The following ANKRD17 variants were observed in gnomAD, a reference collection of about 807,000 sequenced individuals.
ANKRD17 encodes the protein ankyrin repeat domain 17, also known as ankyrin repeat domain-containing protein 17.
ANKRD17 carries 19 observed loss-of-function variants against 229.7 expected under a neutral mutation model. That is an observed-to-expected ratio of 0.08 (90% CI 0.06 to 0.12). ANKRD17 has a LOEUF of 0.12. Ranked by LOEUF, ANKRD17 falls within the 10% of genes least tolerant of loss-of-function variation. The probability of loss-of-function intolerance (pLI) is 1.00; values close to 1 mark genes in which losing one functional copy is unlikely to be tolerated. For synonymous variants in ANKRD17, 1,112 were observed against 1,146.1 expected (o/e 0.97, Z 0.60); for missense variants, 2,176 against 3,176.8 (o/e 0.68, Z 7.57).
At chr4:73,237,155 G>A (rs529689548) in intron 1 of ANKRD17, among the ~76,000 whole-genome samples, 121 of 152,118 alleles carry the variant, frequency 8.0e-4, no homozygotes, top group Non-Finnish European at 1.4e-3. Flanking sequence ...GAAGACCTTC[G>A]TATTTGATTA....
intron 1 of ANKRD17, among the ~76,000 whole-genome samples, chr4:73,239,320 C>T (rs1324108498): frequency 6.6e-6 from 1 of 152,066 alleles, no homozygotes; most frequent in African/African-American, 2.4e-5. Context: ...TATATCTTAC[C>T]ACAATACAGA....
chr4:73,251,630 C>T (rs958446398), intron 1 of ANKRD17, among the ~76,000 whole-genome samples: 1 of 150,882 alleles, frequency 6.6e-6, no homozygotes. Flanking sequence ...ATAAGTGGTA[C>T]CAGCAGGCAC....
intron 1 of ANKRD17, among the ~76,000 whole-genome samples, chr4:73,225,740 T>C (rs191995357): frequency 1.3e-5 from 2 of 150,300 alleles, no homozygotes; most frequent in East Asian, 2.0e-4. Context: ...TGGGCGCCTG[T>C]AATCCCAGCT....
intron 23 of ANKRD17, among the ~76,000 whole-genome samples, chr4:73,114,712 G>A (rs1725728235): frequency 6.6e-6 from 1 of 152,128 alleles, no homozygotes; most frequent in South Asian, 2.1e-4. Flanking sequence ...GTGATATATA[G>A]GAATGTTAAT....
intron 16 of ANKRD17, among the ~76,000 whole-genome samples, chr4:73,128,469 G>C (rs1255867432): frequency 6.6e-6 from 1 of 152,206 alleles, no homozygotes; most frequent in Non-Finnish European, 1.5e-5. Context: ...AAAATGAAGA[G>C]ATGTACATAA....
intron 16 of ANKRD17, 91 bp from the exon 17 acceptor site, chr4:73,125,403 A>C: frequency 1.1e-6 from 1 of 913,114 alleles, no homozygotes; most frequent in Non-Finnish European, 1.7e-6. Context: ...ATACACACAA[A>C]TACATATGTA....
rs567807653 is a variant in ANKRD17, at chr4:73,175,527, A to G, written c.547+1853T>C. Among the ~76,000 whole-genome samples, 4 of 152,348 alleles carry G rather than the reference A, an allele frequency of 2.6e-5. No homozygotes were observed. The South Asian group carries it at 8.3e-4, about 32-fold the overall frequency. On this transcript the variant is annotated intron_variant, in intron 2 of 33. Coordinates refer to ENST00000358602, the MANE Select transcript of ANKRD17 (RefSeq NM_032217.5). The stretch of plus-strand genomic sequence containing the variant: ...TCCTGAGCAAAAAGAACAAGACTAG[A>G]AAGAATCACATTACCTGATTTCAAA...
At chr4:73,207,425 T>C (rs980186131) in intron 1 of ANKRD17, among the ~76,000 whole-genome samples, 34 of 152,142 alleles carry the variant, frequency 2.2e-4, no homozygotes, top group Non-Finnish European at 4.0e-4. Flanking sequence ...ATATAAAATA[T>C]TGCTAATTAT....
chr4:73,186,377 G>T (rs1413426382), intron 1 of ANKRD17, among the ~76,000 whole-genome samples: 3 of 151,988 alleles, frequency 2.0e-5, no homozygotes, highest in African/African-American at 2.4e-5. Context: ...CTTGTAAAAA[G>T]AATGGTCAAT....
At chr4:73,202,588 A>G (rs1033344778) in intron 1 of ANKRD17, among the ~76,000 whole-genome samples, 4 of 152,194 alleles carry the variant, frequency 2.6e-5, no homozygotes, top group African/African-American at 7.2e-5. Flanking sequence ...CAGAAAGGCT[A>G]CACATACCAG....
At chr4:73,250,615 A>AAAAAAAAAAAC (rs1744925705) in intron 1 of ANKRD17, among the ~76,000 whole-genome samples, 1 of 138,386 alleles carries the variant, frequency 7.2e-6, no homozygotes, top group African/African-American at 2.7e-5. Flanking sequence ...AAAAAAAAAA[A>AAAAAAAAAAAC]CAGAAAAAAA....
chr4:73,251,521 A>C (rs1009789077), intron 1 of ANKRD17, among the ~76,000 whole-genome samples: 4 of 151,408 alleles, frequency 2.6e-5, no homozygotes, highest in African/African-American at 9.7e-5. Context: ...CTAATGACTT[A>C]CTTTTTTTTT....
Position 73,154,089 on chromosome 4 carries a change from C to A in ANKRD17, c.1025G>T (p.Cys342Phe). The change falls in exon 6 of 34, where the codon TGT becomes TTT. Residue 342 changes from cysteine to phenylalanine, a missense_variant. Around this residue, in one of 18 missense-constraint regions of ANKRD17, gnomAD observed 184 missense variants for 357.8 expected, o/e 0.51. Coordinates refer to ENST00000358602, the MANE Select transcript of ANKRD17 (RefSeq NM_032217.5). ...STGNTALTYA[C>F]AGGYVDVVKV... Reference sequence around the variant, plus strand: ...TACAACATCTACATAGCCTCCAGCACAAGCATATGTAAGTGCTGTATTGCC... The same window carrying A: ...TACAACATCTACATAGCCTCCAGCAAAAGCATATGTAAGTGCTGTATTGCC... 6.2e-7 allele frequency: 1 copy of A among 1,604,266 alleles called. No individual in the cohort carries two copies. Among genetic ancestry groups the A allele is most frequent in the South Asian group, 1.1e-5 (1 of 89,250 alleles).
chr4:73,111,426 G>A (rs960038837), intron 24 of ANKRD17, among the ~76,000 whole-genome samples: 22 of 152,092 alleles, frequency 1.4e-4, no homozygotes, highest in Admixed American at 8.5e-4. Context: ...AAAGGACGGC[G>A]CAAAATTTCA....
intron 2 of ANKRD17, among the ~76,000 whole-genome samples, chr4:73,173,235 A>G (rs1263570972): frequency 1.3e-5 from 2 of 152,252 alleles, no homozygotes; most frequent in African/African-American, 4.8e-5. Flanking sequence ...AAAGGGGTCA[A>G]TTAAGCAACA....
In ANKRD17 at chr4:73,251,838, T is replaced by A. The variant is rs138657754; in HGVS notation, c.393+6438A>T. Among the ~76,000 whole-genome samples the A allele has an allele frequency of 1.3e-4, 20 of 152,314 alleles. No individual in the cohort carries two copies. The East Asian group carries it at 3.9e-3, about 29-fold the overall frequency. On this transcript the variant is annotated intron_variant, in intron 1 of 33. Transcript: ENST00000358602. ...TGTTTTCCTAATCAACTAGATGGCA[T>A]AATCAGGTAACAGCAGAAACAGATA...
At chr4:73,212,568 T>C (rs1740422584) in intron 1 of ANKRD17, among the ~76,000 whole-genome samples, 1 of 150,084 alleles carries the variant, frequency 6.7e-6, no homozygotes, top group Non-Finnish European at 1.5e-5. Context: ...AACTAAAAAA[T>C]AATAGAACAG....
At chr4:73,166,256 C>T (rs1733213276) in intron 2 of ANKRD17, among the ~76,000 whole-genome samples, 1 of 152,046 alleles carries the variant, frequency 6.6e-6, no homozygotes, top group African/African-American at 2.4e-5. Flanking sequence ...GAAAAGCCAA[C>T]CAAAGTATTG....
chr4:73,220,141 T>C (rs1223650270), intron 1 of ANKRD17, among the ~76,000 whole-genome samples: 1 of 152,150 alleles, frequency 6.6e-6, no homozygotes, highest in Non-Finnish European at 1.5e-5. Flanking sequence ...GTACAATCTA[T>C]TGTTACACAT....
Sources: gnomAD v4.1 joint callset for allele counts (sites outside exome capture counted in the v4.1 genomes callset) on GRCh38, gnomAD v4.1.1 for gene constraint, gnomAD v4.1.1 regional missense constraint, MANE v1.5 for transcripts, NCBI Gene and HGNC (gene_info 2026-07-23, HGNC 2026-07-21) for gene names.